Variants in VAV2 observed in about 807,000 individuals in gnomAD.
VAV2 encodes vav guanine nucleotide exchange factor 2.
VAV2 carries 67 observed loss-of-function variants against 132.5 expected under a neutral mutation model. The ratio of observed to expected loss-of-function variants is 0.51; its 90% CI spans 0.42 to 0.62. The LOEUF (loss-of-function observed/expected upper bound fraction) is 0.62. VAV2 is among the 20% of genes least tolerant of loss of function. VAV2 has a pLI of 0.00. For synonymous variants in VAV2, 492 were observed against 443.5 expected (o/e 1.11, Z -1.37); for missense variants, 938 against 1,153.6 (o/e 0.81, Z 2.71).
At position 133,912,590 on chromosome 9, in the gene VAV2, T is replaced by C. The variant is rs1310608854; in HGVS notation, c.321+26513A>G. 6.6e-6 allele frequency among the ~76,000 whole-genome samples: 1 copy of C among 152,150 alleles called. No individual in the cohort carries two copies. The highest frequency in any genetic ancestry group is 6.5e-5 in the Admixed American group (1 of 15,274). On this transcript the variant is annotated intron_variant, in intron 2 of 29. Transcript: ENST00000371850. This position sits in a 1 kb window ranked among gnomAD's most constrained non-coding sequence, Gnocchi z 4.3. ...TTCCTGCACCCTAACGTGTTGCTTCTCTGCCCATTTCAATCGCGGAACACA... is the reference window on the plus strand; with the variant it reads ...TTCCTGCACCCTAACGTGTTGCTTCCCTGCCCATTTCAATCGCGGAACACA...
intron 2 of VAV2, among the ~76,000 whole-genome samples, chr9:133,897,026 G>A (rs951776231): frequency 1.7e-4 from 26 of 152,144 alleles, no homozygotes; most frequent in African/African-American, 5.3e-4. Flanking sequence ...CCCGGGAGGC[G>A]GAGCTTGCAG....
At chr9:133,796,357 C>G (rs1834712371) in intron 11 of VAV2, 72 bp downstream of exon 11, 1 of 1,360,876 alleles carries the variant, frequency 7.3e-7, no homozygotes, top group Admixed American at 2.0e-5. Context: ...ACCTATACCC[C>G]CTGGAAGCTG....
At chr9:133,790,577 G>C (rs1834414537) in intron 13 of VAV2, among the ~76,000 whole-genome samples, 1 of 152,192 alleles carries the variant, frequency 6.6e-6, no homozygotes, top group Non-Finnish European at 1.5e-5. Context: ...GTACGCATTT[G>C]TGACCGCCTC....
intron 3 of VAV2, among the ~76,000 whole-genome samples, chr9:133,850,321 G>T (rs1466102280): frequency 6.6e-6 from 1 of 152,168 alleles, no homozygotes; most frequent in Non-Finnish European, 1.5e-5. Context: ...CCTGACCCAG[G>T]TACAGCTGCA....
chr9:133,824,065 T>C lies in VAV2; in HGVS notation c.449+10207A>G, dbSNP rs1029721579. Among the ~76,000 whole-genome samples, 6 of 151,984 alleles carry C rather than the reference T, an allele frequency of 3.9e-5. No homozygotes were observed. Among genetic ancestry groups the C allele is most frequent in the African/African-American group, 1.5e-4 (6 of 41,374 alleles). Reference sequence around the variant, plus strand: ...GCCTCTGGAGACAGCTGGGGCCCACTGTGGTGCCAGAGTACCAAGGGGCCC... The same window carrying C: ...GCCTCTGGAGACAGCTGGGGCCCACCGTGGTGCCAGAGTACCAAGGGGCCC... On this transcript the variant is annotated intron_variant, in intron 4 of 29. Transcript: ENST00000371850. The surrounding 1 kb of genome is among the most constrained non-coding windows in gnomAD (Gnocchi z 5.2).
intron 3 of VAV2, among the ~76,000 whole-genome samples, chr9:133,841,751 T>C (rs1268862317): frequency 6.6e-6 from 1 of 152,232 alleles, no homozygotes; most frequent in Admixed American, 6.5e-5. Context: ...TGCCTGTCTC[T>C]GAGCCTCAGT....
chr9:133,845,190 G>A (rs1288030209), intron 3 of VAV2, among the ~76,000 whole-genome samples: 2 of 152,250 alleles, frequency 1.3e-5, no homozygotes, highest in East Asian at 1.9e-4. Context: ...TTGTCTGCAC[G>A]TGTGTCCCAC....
rs937643733 is a variant in VAV2, at chr9:133,774,990, T to A, written c.2080A>T (p.Thr694Ser). The change falls in exon 25 of 30, where the codon ACC becomes TCC. Residue 694 changes from threonine to serine, a missense_variant. Physicochemically the swap from Thr to Ser is moderately conservative, Grantham distance 58 (BLOSUM62 1). Coordinates refer to ENST00000371850, the MANE Select transcript of VAV2 (RefSeq NM_001134398.2). ...DNLLKSHASG[T>S]YLIRERPAEA... The stretch of plus-strand genomic sequence containing the variant: ...GCAGGCCGCTCCCTGATCAGGTAGG[T>A]CCCGCTGGCGTGGGACTTGAGCAGG... The A allele has an allele frequency of 6.2e-7, 1 of 1,613,540 alleles. No individual in the cohort carries two copies. The highest frequency in any genetic ancestry group is 8.5e-7 in the Non-Finnish European group (1 of 1,179,940).
chr9:133,944,434 C>T (rs1281930607), intron 1 of VAV2, among the ~76,000 whole-genome samples: 1 of 152,216 alleles, frequency 6.6e-6, no homozygotes, highest in African/African-American at 2.4e-5. Flanking sequence ...TGGGGAGCTG[C>T]AGTTTGAACA....
chr9:133,838,560 CGGGTGGGT>C (rs1313528320), intron 3 of VAV2, among the ~76,000 whole-genome samples: 2 of 1,454 alleles, frequency 1.4e-3, no homozygotes, highest in East Asian at 0.017. Context: ...CATGGGTGGG[CGGGTGGGT>C]GGGTGGCTAG....
intron 2 of VAV2, among the ~76,000 whole-genome samples, chr9:133,889,760 A>ACG (rs1838856448): frequency 6.6e-6 from 1 of 151,552 alleles, no homozygotes; most frequent in Non-Finnish European, 1.5e-5. Context: ...ACACACACAC[A>ACG]CAAAAAATTT....
In VAV2 at chr9:133,991,500, A is replaced by C. The variant is rs1843016102; in HGVS notation, c.204+575T>G. 6.6e-6 allele frequency among the ~76,000 whole-genome samples: 1 copy of C among 151,444 alleles called. No individual in the cohort carries two copies. The highest frequency in any genetic ancestry group is 2.4e-5 in the African/African-American group (1 of 41,128). ...CGACCCGGGAGCCAGGACTGGCGCC[A>C]AGTGGCCCGGGTCCGGGTCCGGGAA... On this transcript the variant is annotated intron_variant, in intron 1 of 29. Transcript: ENST00000371850. The surrounding 1 kb of genome is among the most constrained non-coding windows in gnomAD (Gnocchi z 4.8).
At chr9:133,845,015 C>T (rs765868236) in intron 3 of VAV2, among the ~76,000 whole-genome samples, 5 of 152,244 alleles carry the variant, frequency 3.3e-5, no homozygotes, top group Non-Finnish European at 5.9e-5. Flanking sequence ...TTTTACCTCT[C>T]CCTGAACACA....
intron 1 of VAV2, among the ~76,000 whole-genome samples, chr9:133,985,836 C>T (rs777524754): frequency 5.9e-5 from 9 of 152,010 alleles, no homozygotes; most frequent in Non-Finnish European, 1.0e-4. Flanking sequence ...AAACCTGAGA[C>T]TATGTGAGCA....
chr9:133,837,775 T>C lies in VAV2; in HGVS notation c.381-3435A>G, dbSNP rs114673733. On this transcript the variant is annotated intron_variant, in intron 3 of 29. Coordinates refer to ENST00000371850, the MANE Select transcript of VAV2 (RefSeq NM_001134398.2). ...GAGCTATGATTGTCGTAATTTTCCC[T>C]TTCCTGCATCTCATTTGGTGTCTTG... Among the ~76,000 whole-genome samples the C allele has an allele frequency of 1.6e-3, 240 of 152,150 alleles. 1 individual carries two copies. Among genetic ancestry groups the C allele is most frequent in the Middle Eastern group, 6.8e-3 (2 of 292 alleles).
chr9:133,810,067 T>A lies in VAV2; in HGVS notation c.567+124A>T, dbSNP rs984157448. The A allele has an allele frequency of 2.9e-6, 4 of 1,383,656 alleles. No individual in the cohort carries two copies. In the African/African-American group the frequency reaches 5.7e-5, roughly 20 times the overall value. The allele number at this position is 1,383,656 out of a possible 1,614,324, so 85.7% of individuals were successfully genotyped here. A position where few individuals can be genotyped will look rare whatever the true frequency, so the allele number is the denominator to read the frequency against. ...GGTCTCTGATGCCTGAAGTCATGTGTGCCTGACCATGTCTTCCTGGGGGCA... is the reference window on the plus strand; with the variant it reads ...GGTCTCTGATGCCTGAAGTCATGTGAGCCTGACCATGTCTTCCTGGGGGCA... On this transcript the variant is annotated intron_variant, in intron 6 of 29. Coordinates refer to ENST00000371850, the MANE Select transcript of VAV2 (RefSeq NM_001134398.2).
intron 1 of VAV2, among the ~76,000 whole-genome samples, chr9:133,971,296 C>A (rs1304780070): frequency 6.6e-6 from 1 of 152,182 alleles, no homozygotes; most frequent in Non-Finnish European, 1.5e-5. Flanking sequence ...TGATCCTGAT[C>A]GTCACCATCT....
rs112078193 is a variant in VAV2, at chr9:133,863,060, C to T, written c.322-1628G>A. 2.5e-4 allele frequency among the ~76,000 whole-genome samples: 38 copies of T among 152,328 alleles called. No homozygotes were observed. Among genetic ancestry groups the T allele is most frequent in the Middle Eastern group, 3.4e-3 (1 of 294 alleles). On this transcript the variant is annotated intron_variant, in intron 2 of 29. Coordinates refer to ENST00000371850, the MANE Select transcript of VAV2 (RefSeq NM_001134398.2). The surrounding 1 kb of genome is among the most constrained non-coding windows in gnomAD (Gnocchi z 5.0). ...TTATGCGGCCAGCCCAGCCGCACTC[C>T]CATGCTGATGCTACAAGGGGCCTTT...
rs1045468241 is a variant in VAV2 at position 133,793,166 on chromosome 9, G to A, written c.1102-1297C>T. Among the ~76,000 whole-genome samples the A allele has an allele frequency of 1.8e-4, 28 of 152,106 alleles. 1 individual carries two copies. The highest frequency in any genetic ancestry group is 1.8e-3 in the Admixed American group (27 of 15,282). On this transcript the variant is annotated intron_variant, in intron 12 of 29. Coordinates refer to ENST00000371850, the MANE Select transcript of VAV2 (RefSeq NM_001134398.2). ...CCTGCCGTGCTGCAATCCTCGTGCT[G>A]GCCACCAGAGAGCAGTGCCCACTTC... is the stretch of plus-strand genomic sequence containing the variant.
Sources: allele counts gnomAD v4.1 joint callset (sites outside exome capture counted in the v4.1 genomes callset), GRCh38; gene constraint gnomAD v4.1.1; non-coding constraint Gnocchi (gnomAD v3.1); transcripts MANE v1.5; gene names NCBI Gene and HGNC (gene_info 2026-07-23, HGNC 2026-07-21).